PHACTR3: variants seen among roughly 807,000 people sequenced by gnomAD.
PHACTR3 encodes phosphatase and actin regulator 3, also known as protein phosphatase 1, regulatory subunit 123.
PHACTR3 carries 16 observed loss-of-function variants against 66.8 expected under a neutral mutation model. The observed-to-expected ratio is 0.24, with a 90% confidence interval of 0.16 to 0.36. The LOEUF is 0.36. Ranked by LOEUF, PHACTR3 falls within the 10% of genes least tolerant of loss-of-function variation. The pLI is 1.00. For missense variants in PHACTR3, 647 were observed against 719.9 expected (o/e 0.90, Z 1.16); for synonymous variants, 323 against 292.1 (o/e 1.11, Z -1.08).
chr20:59,817,589 C>T (rs982520784), intron 8 of PHACTR3, among the ~76,000 whole-genome samples: 2 of 152,248 alleles, frequency 1.3e-5, no homozygotes, highest in Non-Finnish European at 2.9e-5. Context: ...GTAGAAGTCA[C>T]AGACCCAAAT....
chr20:59,846,686 A>C (rs2059155129), intron 12 of PHACTR3, among the ~76,000 whole-genome samples: 2 of 152,200 alleles, frequency 1.3e-5, no homozygotes, highest in Non-Finnish European at 2.9e-5. Flanking sequence ...AAATTATTTC[A>C]ACAATTCAAG....
intron 2 of PHACTR3, 46 bp downstream of exon 2, chr20:59,743,314 C>A (rs201058151): frequency 1.9e-6 from 3 of 1,605,218 alleles, no homozygotes; most frequent in East Asian, 2.2e-5. Flanking sequence ...CTGGGACCAG[C>A]GTCCTTGGCA....
At chr20:59,686,571 C>T (rs1294567752) in intron 1 of PHACTR3, among the ~76,000 whole-genome samples, 3 of 84,736 alleles carry the variant, frequency 3.5e-5, no homozygotes, top group East Asian at 3.6e-4. Context: ...TGATGATGGT[C>T]GTGATGATTG....
At chr20:59,577,613 G>A (rs1446824708) in exon 1 of PHACTR3, 5 of 1,209,208 alleles carry the variant, frequency 4.1e-6, no homozygotes, top group Non-Finnish European at 5.1e-6. Context: ...GAGATCCTGC[G>A]CAAGGTAAGC....
At chr20:59,833,413 T>C (rs118058703) in intron 8 of PHACTR3, among the ~76,000 whole-genome samples, 1,887 of 152,304 alleles carry the variant, frequency 0.012, 17 homozygotes, top group Middle Eastern at 0.037. Flanking sequence ...AAGTCACAGG[T>C]TGGGTTTTCT....
intron 7 of PHACTR3, among the ~76,000 whole-genome samples, chr20:59,797,577 CTG>C (rs977485068): frequency 2.3e-4 from 35 of 152,092 alleles, no homozygotes; most frequent in African/African-American, 8.5e-4. Flanking sequence ...AATATAGTCT[CTG>C]TGCAGGTTTT....
chr20:59,723,154 A>C (rs941703096), intron 1 of PHACTR3, among the ~76,000 whole-genome samples: 5 of 140,668 alleles, frequency 3.6e-5, no homozygotes, highest in African/African-American at 1.4e-4. Context: ...CATATTATAC[A>C]ATTCACCCTT....
At chr20:59,600,623 C>T (rs2033449724), upstream of PHACTR3, among the ~76,000 whole-genome samples, 1 of 152,312 alleles carries the variant, frequency 6.6e-6, no homozygotes, top group East Asian at 1.9e-4. Context: ...TCCCTGGCTG[C>T]CCCTGGGCAG....
At chr20:59,719,073 A>G (rs1194611767) in intron 1 of PHACTR3, among the ~76,000 whole-genome samples, 4 of 152,262 alleles carry the variant, frequency 2.6e-5, no homozygotes, top group Non-Finnish European at 5.9e-5. Flanking sequence ...AGCCCTTGCT[A>G]ACACCAGATG....
intron 1 of PHACTR3, among the ~76,000 whole-genome samples, chr20:59,666,419 CA>C (rs1369309965): frequency 6.6e-6 from 1 of 152,174 alleles, no homozygotes; most frequent in African/African-American, 2.4e-5. Context: ...GCTGGAATGT[CA>C]GGTGGATTCA....
chr20:59,606,156 T>C (rs1035973318), intron 1 of PHACTR3, among the ~76,000 whole-genome samples: 7 of 152,174 alleles, frequency 4.6e-5, no homozygotes, highest in African/African-American at 1.7e-4. Context: ...GGGGACTTGA[T>C]GATGTTAAAT....
At chr20:59,834,171 T>A (rs1250735053) in intron 8 of PHACTR3, among the ~76,000 whole-genome samples, 1 of 152,210 alleles carries the variant, frequency 6.6e-6, no homozygotes, top group African/African-American at 2.4e-5. Flanking sequence ...AAAAGACTCA[T>A]GGTGCGCTCA....
chr20:59,698,002 C>T (rs755978599), intron 1 of PHACTR3, among the ~76,000 whole-genome samples: 7 of 152,114 alleles, frequency 4.6e-5, no homozygotes, highest in Non-Finnish European at 8.8e-5. Flanking sequence ...TTTGACTGTC[C>T]GTGACTATTT....
At chr20:59,690,819 T>G (rs963334920) in intron 1 of PHACTR3, among the ~76,000 whole-genome samples, 1 of 152,152 alleles carries the variant, frequency 6.6e-6, no homozygotes, top group African/African-American at 2.4e-5. Context: ...AACATTTAAC[T>G]AATGAGTTGC....
rs1041626423 is a variant in PHACTR3, at chr20:59,605,750, A to T, written c.118+618A>T. On this transcript the variant is annotated intron_variant, in intron 1 of 12. Coordinates refer to ENST00000371015, the MANE Select transcript of PHACTR3 (RefSeq NM_080672.5). Reference sequence around the variant, plus strand: ...GGACTCCGTCCACTCTTCCACCCCCATGGCAGCGTTGATTGTTTAGGTGAT... The same window carrying T: ...GGACTCCGTCCACTCTTCCACCCCCTTGGCAGCGTTGATTGTTTAGGTGAT... 2.0e-5 allele frequency among the ~76,000 whole-genome samples: 3 copies of T among 150,680 alleles called. No homozygotes were observed. In the East Asian group the frequency reaches 6.0e-4, roughly 30 times the overall value.
chr20:59,697,029 C>G (rs1277653697), intron 1 of PHACTR3, among the ~76,000 whole-genome samples: 2 of 152,154 alleles, frequency 1.3e-5, no homozygotes, highest in Non-Finnish European at 2.9e-5. Flanking sequence ...GGGAGAGAGA[C>G]AGGCTGTGAA....
chr20:59,676,897 G>T (rs117507281), intron 1 of PHACTR3: 5,575 of 68,600 alleles, frequency 0.081, 120 homozygotes, highest in African/African-American at 0.15. Context: ...TTTTTTTTTT[G>T]TTCTTGAATC....
chr20:59,597,718 A>G (rs1440559456), intron 1 of PHACTR3, among the ~76,000 whole-genome samples: 4 of 152,320 alleles, frequency 2.6e-5, no homozygotes, highest in Non-Finnish European at 5.9e-5. Flanking sequence ...TGGTCCCTTT[A>G]TAAGAGATCA....
At chr20:59,766,469 G>A (rs923215851) in intron 4 of PHACTR3, among the ~76,000 whole-genome samples, 3 of 152,190 alleles carry the variant, frequency 2.0e-5, no homozygotes, top group African/African-American at 7.2e-5. Context: ...CAGGCAAAAA[G>A]AGAAATAAGA....
Sources: gnomAD v4.1 joint callset for allele counts (sites outside exome capture counted in the v4.1 genomes callset) on GRCh38, gnomAD v4.1.1 for gene constraint, MANE v1.5 for transcripts, NCBI Gene and HGNC (gene_info 2026-07-23, HGNC 2026-07-21) for gene names.